The following FA2H variants were observed in gnomAD, a reference collection of about 807,000 sequenced individuals.
FA2H encodes fatty acid alpha-hydroxylase.
Under a neutral mutation model 44.9 loss-of-function variants are expected in FA2H, and 22 were observed. That is an observed-to-expected ratio of 0.49 (90% CI 0.35 to 0.70). FA2H has a LOEUF of 0.70. Ranked by LOEUF, FA2H falls within the 30% of genes least tolerant of loss-of-function variation. The probability of loss-of-function intolerance (pLI) is 0.01; values close to 1 mark genes in which losing one functional copy is unlikely to be tolerated. For missense variants in FA2H, 501 were observed against 504.9 expected, an observed-to-expected ratio of 0.99 and a Z score of 0.07; for synonymous variants, 243 against 213.2, an observed-to-expected ratio of 1.14 and a Z score of -1.22.
rs1373823633 is a variant in FA2H at position 74,736,544 on chromosome 16, G to A, written c.363+3479C>T. The stretch of plus-strand genomic sequence containing the variant: ...CTTCAATAGCCTTTCCAGGCCCTGG[G>A]GACCCTGGTGGTCTGTGTTATGTCA... On this transcript the variant is annotated intron_variant, in intron 2 of 6. Transcript: ENST00000219368. Among the ~76,000 whole-genome samples the A allele has an allele frequency of 3.3e-5, 5 of 152,238 alleles. No individual in the cohort carries two copies. The South Asian group carries it at 6.2e-4, about 19-fold the overall frequency.
At chr16:74,746,512 C>T (rs1031536910) in intron 1 of FA2H, among the ~76,000 whole-genome samples, 1 of 152,200 alleles carries the variant, frequency 6.6e-6, no homozygotes, top group Admixed American at 6.5e-5. Flanking sequence ...GCATAAGCCA[C>T]TGCGCCTGGC....
Position 74,719,167 on chromosome 16 carries a change from G to C in FA2H, c.614-7C>G, listed in dbSNP as rs377171975. The stretch of plus-strand genomic sequence containing the variant: ...GGCACTGCCACCGTGTACTCTGCAG[G>C]GTGGCAGGGAGAGCGAGGTGAGGAC... On this transcript the variant is annotated splice_region_variant and splice_polypyrimidine_tract_variant and intron_variant, in intron 4 of 6. Transcript: ENST00000219368. The C allele has an allele frequency of 2.3e-5, 37 of 1,612,372 alleles. No homozygotes were observed. The African/African-American group carries it at 4.7e-4, about 20-fold the overall frequency.
chr16:74,772,742 G>A (rs570738402), intron 1 of FA2H, among the ~76,000 whole-genome samples: 1 of 152,178 alleles, frequency 6.6e-6, no homozygotes, highest in East Asian at 1.9e-4. Context: ...AGTAACCCAC[G>A]GTCAACCTGG....
intron 1 of FA2H, among the ~76,000 whole-genome samples, chr16:74,756,879 T>G (rs1410124400): frequency 1.5e-5 from 1 of 67,720 alleles, no homozygotes; most frequent in Admixed American, 2.0e-4. Flanking sequence ...GGAAGCAAAA[T>G]ATTTAAGCAA....
intron 1 of FA2H, among the ~76,000 whole-genome samples, chr16:74,774,148 G>T (rs1962963094): frequency 6.6e-6 from 1 of 152,104 alleles, no homozygotes; most frequent in Non-Finnish European, 1.5e-5. Flanking sequence ...GAGGCGTATG[G>T]GGGGCTGGGG....
chr16:74,727,194 C>T (rs376431718), intron 3 of FA2H, 50 bp downstream of exon 3: 12 of 1,612,560 alleles, frequency 7.4e-6, no homozygotes, highest in African/African-American at 4.0e-5. Flanking sequence ...ATCTGATTGG[C>T]ACCGTCAGAA....
At chr16:74,754,282 G>C (rs1962577403) in intron 1 of FA2H, among the ~76,000 whole-genome samples, 1 of 152,204 alleles carries the variant, frequency 6.6e-6, no homozygotes, top group South Asian at 2.1e-4. Flanking sequence ...TGTAGTCCCA[G>C]CTATGTGGGA....
chr16:74,755,322 C>T (rs1052033131), intron 1 of FA2H, among the ~76,000 whole-genome samples: 7 of 152,024 alleles, frequency 4.6e-5, no homozygotes, highest in Non-Finnish European at 8.8e-5. Flanking sequence ...TGGGACTACA[C>T]GCATGTGCTA....
In FA2H at chr16:74,740,991, G is replaced by A. The variant is rs146064409; in HGVS notation, c.271-876C>T. 5.5e-3 allele frequency among the ~76,000 whole-genome samples: 834 copies of A among 152,334 alleles called. 7 individuals are homozygous for A. Among genetic ancestry groups the A allele is most frequent in the African/African-American group, 0.019 (791 of 41,588 alleles). Reference sequence around the variant, plus strand: ...GAGTGCCAGTCAGCAGCCACACGTGGGGTGGGATTGGCAGAGCAGTGCCCA... The same window carrying A: ...GAGTGCCAGTCAGCAGCCACACGTGAGGTGGGATTGGCAGAGCAGTGCCCA... On this transcript the variant is annotated intron_variant, in intron 1 of 6. Transcript: ENST00000219368.
At chr16:74,763,765 T>C (rs1226200649) in intron 1 of FA2H, among the ~76,000 whole-genome samples, 1 of 152,256 alleles carries the variant, frequency 6.6e-6, no homozygotes, top group Non-Finnish European at 1.5e-5. Context: ...CAAGCAAGTT[T>C]ATTGCAGGTT....
intron 1 of FA2H, among the ~76,000 whole-genome samples, chr16:74,772,540 C>T (rs534769603): frequency 6.6e-6 from 1 of 152,340 alleles, no homozygotes; most frequent in African/African-American, 2.4e-5. Context: ...AGTTCCATGA[C>T]TGAATAAATG....
At chr16:74,738,562 T>C (rs1240955635) in intron 2 of FA2H, among the ~76,000 whole-genome samples, 3 of 152,180 alleles carry the variant, frequency 2.0e-5, no homozygotes, top group South Asian at 2.1e-4. Flanking sequence ...CTGCCACATT[T>C]GTTCAGTCCC....
At chr16:74,741,802 ATATATATGTGTGTG>A (rs1254957361) in intron 1 of FA2H, among the ~76,000 whole-genome samples, 1 of 71,274 alleles carries the variant, frequency 1.4e-5, no homozygotes, top group African/African-American at 6.2e-5. Flanking sequence ...ATATATATAT[ATATATATGTGTGTG>A]TGTGTGTGTG....
At chr16:74,739,876 C>T (rs1414933768) in intron 2 of FA2H, 147 bp downstream of exon 2, 1 of 766,470 alleles carries the variant, frequency 1.3e-6, no homozygotes, top group Non-Finnish European at 2.4e-6. Flanking sequence ...CAGGTCATGC[C>T]TCTGGGCTGT....
intron 2 of FA2H, among the ~76,000 whole-genome samples, chr16:74,739,290 A>C (rs1268079666): frequency 1.3e-5 from 2 of 152,088 alleles, no homozygotes; most frequent in Non-Finnish European, 2.9e-5. Context: ...ATGGACATGC[A>C]CATTTGTGTC....
Position 74,763,404 on chromosome 16 carries a change from C to G in FA2H, c.270+11082G>C, listed in dbSNP as rs137917166. Among the ~76,000 whole-genome samples the G allele has an allele frequency of 2.5e-3, 383 of 152,142 alleles. 2 individuals carry two copies. The highest frequency in any genetic ancestry group is 8.3e-3 in the African/African-American group (345 of 41,510). ...TTCCGAGTAACTGGGATTACAGGCA[C>G]GCACCACCACACCCGGCTAGTTTTT... On this transcript the variant is annotated intron_variant, in intron 1 of 6. Coordinates refer to ENST00000219368, the MANE Select transcript of FA2H (RefSeq NM_024306.5).
intron 1 of FA2H, among the ~76,000 whole-genome samples, 189 bp from the exon 2 acceptor site, chr16:74,740,304 A>G (rs948035334): frequency 5.3e-5 from 8 of 152,014 alleles, no homozygotes; most frequent in South Asian, 2.1e-4. Flanking sequence ...TATTCTCTGT[A>G]TTTTACATTT....
intron 5 of FA2H, 68 bp downstream of exon 5, chr16:74,718,920 T>C: frequency 6.4e-7 from 1 of 1,573,402 alleles, no homozygotes; most frequent in Non-Finnish European, 8.7e-7. Context: ...CACCTGAAGC[T>C]GCGGCTGGCT....
chr16:74,769,866 G>C (rs1415029786), intron 1 of FA2H, among the ~76,000 whole-genome samples: 1 of 152,240 alleles, frequency 6.6e-6, no homozygotes, highest in Non-Finnish European at 1.5e-5. Flanking sequence ...ACTCGCTCAA[G>C]GTGGGCAGCT....
Sources: allele counts gnomAD v4.1 joint callset (sites outside exome capture counted in the v4.1 genomes callset), GRCh38; gene constraint gnomAD v4.1.1; transcripts MANE v1.5; gene names NCBI Gene and HGNC (gene_info 2026-07-23, HGNC 2026-07-21).